The following RUNX2 variants were observed in gnomAD, a reference collection of about 807,000 sequenced individuals.
RUNX2 encodes the protein runt-related transcription factor 2.
RUNX2 carries 10 observed loss-of-function variants against 51.7 expected under a neutral mutation model. The ratio of observed to expected loss-of-function variants is 0.19; its 90% CI spans 0.12 to 0.33. RUNX2 has a LOEUF of 0.33. Ranked by LOEUF, RUNX2 falls within the 10% of genes least tolerant of loss-of-function variation. The pLI is 1.00. For missense variants in RUNX2, 562 were observed against 691.3 expected (o/e 0.81, Z 2.10); for synonymous variants, 276 against 273.6 (o/e 1.01, Z -0.09).
rs115763613 is a variant in RUNX2, at chr6:45,438,029, A to G, written c.663A>G (p.Val221=). 1,336 of 1,611,610 alleles carry G rather than the reference A, an allele frequency of 8.3e-4. 7 individuals carry two copies. In the African/African-American group the frequency reaches 0.015, roughly 18 times the overall value. The change falls in exon 5 of 9, where the codon GTA becomes GTG. Residue 221 remains valine, a synonymous_variant. Transcript: ENST00000647337. Reference sequence around the variant, plus strand: ...ATCACAGAGCAATTAAAGTTACAGTAGATGGACCTCGGGAACCCAGAAGTA... The same window carrying G: ...ATCACAGAGCAATTAAAGTTACAGTGGATGGACCTCGGGAACCCAGAAGTA... The part of the protein sequence containing the change: ...ATYHRAIKVT[V]DGPREPRRHR...
intron 2 of RUNX2, among the ~76,000 whole-genome samples, chr6:45,333,647 A>G (rs1581661263): frequency 6.6e-6 from 1 of 151,404 alleles, no homozygotes; most frequent in East Asian, 1.9e-4. Context: ...ATAAAAAACA[A>G]TCATTTTTTA....
intron 6 of RUNX2, among the ~76,000 whole-genome samples, chr6:45,496,679 T>C (rs369117071): frequency 8.5e-5 from 13 of 152,186 alleles, no homozygotes; most frequent in East Asian, 3.9e-4. Context: ...GGTTTAGTTC[T>C]GATTGTAGTG....
At chr6:45,448,504 G>A (rs576638754) in intron 5 of RUNX2, among the ~76,000 whole-genome samples, 8 of 152,234 alleles carry the variant, frequency 5.3e-5, no homozygotes, top group Non-Finnish European at 1.2e-4. Flanking sequence ...AGGAGACCAC[G>A]ATCTGGGGTG....
At chr6:45,518,258 T>C (rs1801392442) in intron 7 of RUNX2, among the ~76,000 whole-genome samples, 1 of 150,836 alleles carries the variant, frequency 6.6e-6, no homozygotes, top group Non-Finnish European at 1.5e-5. Flanking sequence ...GGGAAGTTAT[T>C]AAATTTTATG....
At chr6:45,521,799 C>T (rs903512077) in intron 7 of RUNX2, among the ~76,000 whole-genome samples, 2 of 152,114 alleles carry the variant, frequency 1.3e-5, no homozygotes, top group African/African-American at 4.8e-5. Context: ...TCATTAGTGT[C>T]CATCTTAACG....
chr6:45,340,521 G>T (rs1789556896), intron 2 of RUNX2, among the ~76,000 whole-genome samples: 1 of 151,786 alleles, frequency 6.6e-6, no homozygotes, highest in Non-Finnish European at 1.5e-5. Flanking sequence ...ACAGGTTTTT[G>T]CCATGTTGCC....
chr6:45,492,716 C>T (rs1436653664), intron 6 of RUNX2, among the ~76,000 whole-genome samples: 1 of 152,196 alleles, frequency 6.6e-6, no homozygotes, highest in Non-Finnish European at 1.5e-5. Flanking sequence ...TTAACATCGG[C>T]ATTACATTAC....
At chr6:45,413,191 A>G (rs775051748) in intron 2 of RUNX2, among the ~76,000 whole-genome samples, 11 of 152,232 alleles carry the variant, frequency 7.2e-5, no homozygotes, top group Non-Finnish European at 1.5e-4. Flanking sequence ...TGTGTTTGCA[A>G]TGTATTTAAA....
In RUNX2 at chr6:45,547,037, A is replaced by G. The variant is rs1377237744; in HGVS notation, c.1298A>G (p.Gln433Arg). Residue 433 changes from glutamine (Q) to arginine (R), a missense_variant, in exon 9 of 9, where the codon CAG (glutamine) becomes CGG (arginine). By Grantham distance (43) the Gln-to-Arg change is conservative. This residue lies in a region of RUNX2 where 304 missense variants were observed against 353.2 expected (regional missense o/e 0.86). Transcript: ENST00000647337. ...PPPYPGSSQS[Q>R]SGPFQTSSTP... Reference sequence around the variant, plus strand: ...CCCTACCCCGGCTCTTCCCAAAGCCAGAGTGGACCCTTCCAGACCAGCAGC... The same window carrying G: ...CCCTACCCCGGCTCTTCCCAAAGCCGGAGTGGACCCTTCCAGACCAGCAGC... 5 of 1,614,032 alleles carry G rather than the reference A, an allele frequency of 3.1e-6. No individual in the cohort carries two copies. The highest frequency in any genetic ancestry group is 1.7e-5 in the Admixed American group (1 of 60,004).
At chr6:45,454,816 G>A (rs1181412588) in intron 5 of RUNX2, among the ~76,000 whole-genome samples, 1 of 152,074 alleles carries the variant, frequency 6.6e-6, no homozygotes. Context: ...TTTCACTTCA[G>A]GAAAACACAG....
chr6:45,469,867 T>C (rs538394962), intron 5 of RUNX2, among the ~76,000 whole-genome samples: 32 of 152,322 alleles, frequency 2.1e-4, no homozygotes, highest in South Asian at 1.9e-3. Context: ...CTTTCATCTC[T>C]AACTAGAGGA....
At chr6:45,388,329 T>C (rs1321819938) in intron 2 of RUNX2, among the ~76,000 whole-genome samples, 1 of 152,210 alleles carries the variant, frequency 6.6e-6, no homozygotes, top group South Asian at 2.1e-4. Context: ...TATGAGGTGA[T>C]AAAGTTTTGT....
intron 6 of RUNX2, among the ~76,000 whole-genome samples, chr6:45,503,943 C>T (rs1433326967): frequency 2.0e-5 from 3 of 152,188 alleles, no homozygotes; most frequent in Non-Finnish European, 4.4e-5. Flanking sequence ...TACTAATTCT[C>T]TCTTCTCCCA....
In RUNX2 at chr6:45,548,136, A is replaced by T. The variant is rs1248873981; in HGVS notation, c.*831A>T. 2.0e-5 allele frequency: 3 copies of T among 152,464 alleles called. No individual in the cohort carries two copies. The highest frequency in any genetic ancestry group is 2.4e-5 in the African/African-American group (1 of 41,404). 9.4% of individuals were successfully genotyped at this position (152,464 alleles called of 1,614,324 possible). A position where few individuals can be genotyped will look rare whatever the true frequency, so the allele number is the denominator to read the frequency against. On this transcript the variant is annotated 3_prime_UTR_variant, in exon 9 of 9. Transcript: ENST00000647337. ...GCTATGTGTTGTTTTCTTTTTTTTT[A>T]AATTATGAATATGTGTAAAATCTGA...
At position 45,328,401 on chromosome 6, in the gene RUNX2, C is replaced by G. The variant is rs752289141; in HGVS notation, c.-126C>G. Reference sequence around the variant, plus strand: ...TCTCCAGGAGGACAGCAAGAAGTCTCTGGTTTTTAAATGGTTAATCTCCGC... The same window carrying G: ...TCTCCAGGAGGACAGCAAGAAGTCTGTGGTTTTTAAATGGTTAATCTCCGC... On this transcript the variant is annotated 5_prime_UTR_variant, in exon 1 of 9. Coordinates refer to ENST00000647337, the MANE Select transcript of RUNX2 (RefSeq NM_001024630.4). 8 of 1,414,464 alleles carry G rather than the reference C, an allele frequency of 5.7e-6. No individual in the cohort carries two copies. Among genetic ancestry groups the G allele is most frequent in the African/African-American group, 1.4e-5 (1 of 69,624 alleles). 87.6% of individuals were successfully genotyped at this position (1,414,464 alleles called of 1,614,324 possible). A position where few individuals can be genotyped will look rare whatever the true frequency, so the allele number is the denominator to read the frequency against.
At chr6:45,494,181 G>A (rs887494236) in intron 6 of RUNX2, among the ~76,000 whole-genome samples, 1 of 152,208 alleles carries the variant, frequency 6.6e-6, no homozygotes, top group African/African-American at 2.4e-5. Context: ...GTGAGGCTCA[G>A]AGGAGGTGTG....
At chr6:45,332,023 T>C (rs2150085398) in intron 2 of RUNX2, among the ~76,000 whole-genome samples, 1 of 151,418 alleles carries the variant, frequency 6.6e-6, no homozygotes, top group East Asian at 1.9e-4. Flanking sequence ...CACACAGAAT[T>C]AATATTTATT....
chr6:45,397,583 C>T (rs1246265610), intron 2 of RUNX2, among the ~76,000 whole-genome samples: 7 of 152,228 alleles, frequency 4.6e-5, no homozygotes, highest in Non-Finnish European at 1.0e-4. Context: ...AATCGTGTCT[C>T]ATAATGTTTT....
chr6:45,485,647 G>GTA (rs1255249118), intron 5 of RUNX2, among the ~76,000 whole-genome samples: 2 of 146,620 alleles, frequency 1.4e-5, no homozygotes, highest in Non-Finnish European at 3.0e-5. Flanking sequence ...ATAGATAAGC[G>GTA]TATATATATG....
Sources: allele counts gnomAD v4.1 joint callset (sites outside exome capture counted in the v4.1 genomes callset), GRCh38; gene constraint gnomAD v4.1.1; regional missense constraint gnomAD v4.1.1; transcripts MANE v1.5; gene names NCBI Gene and HGNC (gene_info 2026-07-23, HGNC 2026-07-21).